The following MAP2K5 variants were observed in gnomAD, a reference collection of about 807,000 sequenced individuals.
MAP2K5 encodes dual specificity mitogen-activated protein kinase kinase 5.
A neutral mutation model predicts 83.1 loss-of-function variants in MAP2K5; 49 were observed. The observed-to-expected ratio is 0.59, with a 90% CI of 0.47 to 0.75. The LOEUF (loss-of-function observed/expected upper bound fraction) is 0.75, where lower values mean the gene tolerates loss of function less well. Ranked by LOEUF, MAP2K5 falls within the 30% of genes least tolerant of loss-of-function variation. MAP2K5 has a pLI of 0.00. For missense variants in MAP2K5, 457 were observed against 557.5 expected (o/e 0.82, Z 1.82); for synonymous variants, 202 against 191.8 (o/e 1.05, Z -0.44).
At chr15:67,653,342 A>G (rs1199842505) in intron 11 of MAP2K5, among the ~76,000 whole-genome samples, 5 of 151,046 alleles carry the variant, frequency 3.3e-5, no homozygotes, top group East Asian at 1.9e-4. Context: ...CTAGAGTACA[A>G]TGGCACAATG....
chr15:67,645,002 G>A (rs1406116777), intron 9 of MAP2K5, among the ~76,000 whole-genome samples: 1 of 151,212 alleles, frequency 6.6e-6, no homozygotes, highest in African/African-American at 2.4e-5. Context: ...ACAAAAATTA[G>A]CCAGGTGTGG....
chr15:67,726,690 T>G (rs952216419), intron 16 of MAP2K5, among the ~76,000 whole-genome samples: 1 of 152,178 alleles, frequency 6.6e-6, no homozygotes, highest in African/African-American at 2.4e-5. Flanking sequence ...ATTAACTGTT[T>G]GGGAGCTACT....
Position 67,746,713 on chromosome 15 carries a change from T to G in MAP2K5, c.1075-1518T>G, listed in dbSNP as rs914413646. On this transcript the variant is annotated intron_variant, in intron 17 of 21. Coordinates refer to ENST00000178640, the MANE Select transcript of MAP2K5 (RefSeq NM_145160.3). The surrounding 1 kb of genome is among the most constrained non-coding windows in gnomAD (Gnocchi z 4.1). ...TCAAGCAGGGACTATCAACATAGAC[T>G]AAGCCAGTCAACCTGGGACAGAGGT... Among the ~76,000 whole-genome samples the G allele has an allele frequency of 6.6e-6, 1 of 152,186 alleles. No homozygotes were observed. The highest frequency in any genetic ancestry group is 2.4e-5 in the African/African-American group (1 of 41,440).
Position 67,636,253 on chromosome 15 carries a change from A to T in MAP2K5, c.585+5326A>T, listed in dbSNP as rs553111832. On this transcript the variant is annotated intron_variant, in intron 9 of 21. Transcript: ENST00000178640. This position sits in a 1 kb window ranked among gnomAD's most constrained non-coding sequence, Gnocchi z 4.7. ...GAAACCCCATTTCTACTAAAAATAC[A>T]AAAAATTAGCTGGCCGTGGTGTCGG... is the stretch of plus-strand genomic sequence containing the variant. Among the ~76,000 whole-genome samples the T allele has an allele frequency of 4.6e-5, 7 of 152,246 alleles. No individual in the cohort carries two copies. Among genetic ancestry groups the T allele is most frequent in the African/African-American group, 1.7e-4 (7 of 41,552 alleles).
chr15:67,620,057 A>G (rs570352929), intron 8 of MAP2K5, among the ~76,000 whole-genome samples: 2 of 152,304 alleles, frequency 1.3e-5, no homozygotes, highest in Admixed American at 1.3e-4. Flanking sequence ...GTGATAGAGT[A>G]AGACCCTGTT....
intron 2 of MAP2K5, among the ~76,000 whole-genome samples, chr15:67,558,301 A>G (rs2084667057): frequency 6.6e-6 from 1 of 152,180 alleles, no homozygotes; most frequent in Non-Finnish European, 1.5e-5. Flanking sequence ...TAAGCTTTCT[A>G]TATCCCATTC....
At position 67,746,464 on chromosome 15, in the gene MAP2K5, A is replaced by G. The variant is rs1356811314; in HGVS notation, c.1075-1767A>G. ...GAGTATCAGTGTGTGCTTGAAAAAA[A>G]AATAAAAGCAAACTCCATAGATATC... On this transcript the variant is annotated intron_variant, in intron 17 of 21. Transcript: ENST00000178640. This position sits in a 1 kb window ranked among gnomAD's most constrained non-coding sequence, Gnocchi z 4.1. 6.6e-6 allele frequency among the ~76,000 whole-genome samples: 1 copy of G among 152,162 alleles called. No homozygotes were observed. Among genetic ancestry groups the G allele is most frequent in the Admixed American group, 6.5e-5 (1 of 15,274 alleles).
intron 21 of MAP2K5, among the ~76,000 whole-genome samples, chr15:67,805,497 C>T (rs2141352498): frequency 1.3e-5 from 2 of 152,358 alleles, no homozygotes; most frequent in South Asian, 4.1e-4. Flanking sequence ...CTCTCTAGGG[C>T]TGCAGTCAAG....
chr15:67,558,954 CA>C (rs2140958896), intron 2 of MAP2K5, among the ~76,000 whole-genome samples: 1 of 152,200 alleles, frequency 6.6e-6, no homozygotes, highest in South Asian at 2.1e-4. Context: ...AGGAAGAAAG[CA>C]AAGAAGTAAG....
chr15:67,705,476 C>T (rs2088527742), intron 16 of MAP2K5, among the ~76,000 whole-genome samples: 1 of 152,134 alleles, frequency 6.6e-6, no homozygotes. Context: ...GGCTCATGCC[C>T]ATAATCCCAA....
chr15:67,693,559 T>G lies in MAP2K5; in HGVS notation c.963T>G (p.Ala321=). The part of the protein sequence containing the change: ...SIAKTYVGTN[A]YMAPERISGE... ...CCAAGACGTATGTTGGAACAAATGC[T>G]TATATGGCGGTAAGTAAACTTATGC... Residue 321 remains alanine (A), a synonymous_variant, in exon 15 of 22, where the codon GCT becomes GCG. Transcript: ENST00000178640. 1 of 1,611,284 alleles carries G rather than the reference T, an allele frequency of 6.2e-7. No individual in the cohort carries two copies.
chr15:67,611,022 G>A (rs886202203), intron 8 of MAP2K5, among the ~76,000 whole-genome samples: 4 of 152,090 alleles, frequency 2.6e-5, no homozygotes, highest in African/African-American at 9.7e-5. Flanking sequence ...AATCAATATA[G>A]CATTTTAACA....
intron 17 of MAP2K5, among the ~76,000 whole-genome samples, chr15:67,734,013 G>A (rs1345358855): frequency 6.6e-6 from 1 of 152,192 alleles, no homozygotes; most frequent in Non-Finnish European, 1.5e-5. Flanking sequence ...AATGCTTTTT[G>A]ATTACCAATA....
intron 17 of MAP2K5, among the ~76,000 whole-genome samples, chr15:67,735,043 C>A (rs1251491632): frequency 6.6e-6 from 1 of 152,146 alleles, no homozygotes; most frequent in Non-Finnish European, 1.5e-5. Flanking sequence ...GATTTATATT[C>A]CATAAAATGC....
intron 8 of MAP2K5, among the ~76,000 whole-genome samples, chr15:67,608,798 G>A (rs969254119): frequency 2.6e-5 from 4 of 152,094 alleles, no homozygotes; most frequent in African/African-American, 9.7e-5. Context: ...TGTGACAGTC[G>A]GCCTTTGGTT....
Position 67,768,254 on chromosome 15 carries a change from A to G in MAP2K5, c.1135-1348A>G, listed in dbSNP as rs1434467668. 6.6e-6 allele frequency among the ~76,000 whole-genome samples: 1 copy of G among 152,200 alleles called. No homozygotes were observed. Among genetic ancestry groups the G allele is most frequent in the Non-Finnish European group, 1.5e-5 (1 of 68,032 alleles). On this transcript the variant is annotated intron_variant, in intron 19 of 21. Coordinates refer to ENST00000178640, the MANE Select transcript of MAP2K5 (RefSeq NM_145160.3). This position sits in a 1 kb window ranked among gnomAD's most constrained non-coding sequence, Gnocchi z 4.0. Reference sequence around the variant, plus strand: ...ATAATTGGCCACAGCAATTATATGTATATTTACTAATCACATAGGAGGCTG... The same window carrying G: ...ATAATTGGCCACAGCAATTATATGTGTATTTACTAATCACATAGGAGGCTG...
At chr15:67,728,122 T>C (rs1423418942) in intron 17 of MAP2K5, among the ~76,000 whole-genome samples, 177 bp downstream of exon 17, 2 of 152,230 alleles carry the variant, frequency 1.3e-5, no homozygotes, top group East Asian at 3.8e-4. Flanking sequence ...TTTTTTAAAC[T>C]CCTGATTTTT....
intron 1 of MAP2K5, among the ~76,000 whole-genome samples, chr15:67,547,848 C>T (rs942093429): frequency 2.0e-5 from 3 of 152,314 alleles, no homozygotes; most frequent in African/African-American, 7.2e-5. Flanking sequence ...GTCACTTTAG[C>T]TGGAAAATGT....
intron 9 of MAP2K5, chr15:67,642,486 G>T (rs1433588056): frequency 6.5e-7 from 1 of 1,549,956 alleles, no homozygotes; most frequent in South Asian, 1.1e-5. Flanking sequence ...AATTTTGATG[G>T]AGGACTTTGA....
Sources: gnomAD v4.1 joint callset for allele counts (sites outside exome capture counted in the v4.1 genomes callset) on GRCh38, gnomAD v4.1.1 for gene constraint, Gnocchi (gnomAD v3.1) non-coding constraint, MANE v1.5 for transcripts, NCBI Gene and HGNC (gene_info 2026-07-23, HGNC 2026-07-21) for gene names.